TLK1: variants seen among roughly 807,000 people sequenced by gnomAD.
The protein encoded by TLK1 is serine/threonine-protein kinase tousled-like 1.
TLK1 carries 24 observed loss-of-function variants against 105.3 expected under a neutral mutation model. The observed-to-expected ratio is 0.23, with a 90% CI of 0.17 to 0.32. The LOEUF (loss-of-function observed/expected upper bound fraction) is 0.32, where lower values mean the gene tolerates loss of function less well. TLK1 is among the 10% of genes least tolerant of loss of function. The pLI, the probability that TLK1 is intolerant of heterozygous loss-of-function variation, is 1.00. For missense variants in TLK1, 558 were observed against 910.5 expected, an observed-to-expected ratio of 0.61 and a Z score of 4.98; for synonymous variants, 321 against 310.4, an observed-to-expected ratio of 1.03 and a Z score of -0.36.
rs1400491649 is a variant in TLK1, at chr2:171,046,320, C to T, written c.1023G>A (p.Arg341=). The change falls in exon 11 of 21, where the codon AGG becomes AGA. Residue 341 remains arginine, a synonymous_variant. Transcript: ENST00000431350. Reference sequence around the variant, plus strand: ...TGCGTTTGGCTAGAAGTTTCCTTTGCCTTTCAATATCTTCCCTTTGCTGAT... The same window carrying T: ...TGCGTTTGGCTAGAAGTTTCCTTTGTCTTTCAATATCTTCCCTTTGCTGAT... The part of the protein sequence containing the change: ...WVNQQREDIE[R]QRKLLAKRKP... 6.2e-7 allele frequency: 1 copy of T among 1,612,302 alleles called. No individual in the cohort carries two copies. Among genetic ancestry groups the T allele is most frequent in the South Asian group, 1.1e-5 (1 of 90,778 alleles).
chr2:171,193,966 G>T (rs1693212439), intron 1 of TLK1, among the ~76,000 whole-genome samples: 1 of 151,982 alleles, frequency 6.6e-6, no homozygotes, highest in Admixed American at 6.6e-5. Context: ...GTGATCACCT[G>T]CCTTGGCCTC....
intron 18 of TLK1, among the ~76,000 whole-genome samples, chr2:171,000,193 T>C (rs974380511): frequency 2.6e-5 from 4 of 152,036 alleles, no homozygotes; most frequent in African/African-American, 4.8e-5. Flanking sequence ...CTGGCCAACA[T>C]GGTGAAACCC....
At chr2:171,052,706 C>G (rs1390455490) in intron 8 of TLK1, among the ~76,000 whole-genome samples, 1 of 152,100 alleles carries the variant, frequency 6.6e-6, no homozygotes, top group Non-Finnish European at 1.5e-5. Flanking sequence ...AAAGAAACAC[C>G]AAGGCATCAC....
At chr2:171,172,404 T>C (rs1692746897) in intron 1 of TLK1, among the ~76,000 whole-genome samples, 1 of 152,166 alleles carries the variant, frequency 6.6e-6, no homozygotes, top group Non-Finnish European at 1.5e-5. Flanking sequence ...TATACTTCAA[T>C]AAAATGTTTA....
chr2:171,155,694 A>C (rs1014508836), intron 1 of TLK1: 1 of 152,182 alleles, frequency 6.6e-6, no homozygotes, highest in Non-Finnish European at 1.5e-5. Context: ...CCTGTAGTCC[A>C]CTTTAAATTC....
At chr2:171,119,259 T>G (rs1690554432) in intron 1 of TLK1, among the ~76,000 whole-genome samples, 1 of 152,220 alleles carries the variant, frequency 6.6e-6, no homozygotes, top group Admixed American at 6.5e-5. Context: ...CTTCCTGCTA[T>G]TACATCAGAA....
chr2:171,112,861 G>A (rs1413941905), intron 2 of TLK1, among the ~76,000 whole-genome samples: 2 of 152,106 alleles, frequency 1.3e-5, no homozygotes, highest in Admixed American at 1.3e-4. Flanking sequence ...AGTCCATGGG[G>A]AGAACTGAAT....
At chr2:171,138,389 C>T (rs1186821838) in intron 1 of TLK1, among the ~76,000 whole-genome samples, 1 of 152,136 alleles carries the variant, frequency 6.6e-6, no homozygotes, top group Non-Finnish European at 1.5e-5. Flanking sequence ...ACAGAGGCTC[C>T]CATACCAAGG....
intron 2 of TLK1, among the ~76,000 whole-genome samples, chr2:171,111,027 G>A (rs1690136250): frequency 6.6e-6 from 1 of 151,732 alleles, no homozygotes. Flanking sequence ...AAAATAACAA[G>A]TAAATTATGA....
intron 1 of TLK1, among the ~76,000 whole-genome samples, chr2:171,148,914 T>C (rs1350742006): frequency 9.5e-6 from 1 of 105,516 alleles, no homozygotes; most frequent in African/African-American, 6.5e-5. Flanking sequence ...TATATATATG[T>C]GTGTGTGTGT....
intron 2 of TLK1, among the ~76,000 whole-genome samples, chr2:171,104,747 T>C (rs1407776397): frequency 6.6e-6 from 1 of 152,234 alleles, no homozygotes; most frequent in Non-Finnish European, 1.5e-5. Context: ...CATAAGCCAC[T>C]GCTCCCAGCC....
intron 1 of TLK1, among the ~76,000 whole-genome samples, chr2:171,200,624 G>A (rs900909832): frequency 6.6e-6 from 1 of 152,152 alleles, no homozygotes; most frequent in Non-Finnish European, 1.5e-5. Flanking sequence ...GGATGTGGGA[G>A]GATCAAGCCC....
chr2:171,160,822 GC>G lies in TLK1; in HGVS notation c.-395del. On this transcript the variant is annotated 5_prime_UTR_variant, in exon 1 of 21. Coordinates refer to ENST00000431350, the MANE Select transcript of TLK1 (RefSeq NM_012290.5). The surrounding 1 kb of genome is among the most constrained non-coding windows in gnomAD (Gnocchi z 4.4). ...CTGCCGGCACCTCTGCAGTGCGTCG[GC>G]CCCCGGCGTCGCCCGGGAGGCGGCG... 1 of 354,122 alleles carries G rather than the reference GC, an allele frequency of 2.8e-6. No individual in the cohort carries two copies. Among genetic ancestry groups the G allele is most frequent in the Non-Finnish European group, 5.0e-6 (1 of 198,892 alleles). The allele number at this position is 354,122 out of a possible 1,614,324, so 21.9% of individuals were successfully genotyped here.
At chr2:171,054,998 A>G in intron 7 of TLK1, 85 bp downstream of exon 7, 1 of 730,038 alleles carries the variant, frequency 1.4e-6, no homozygotes, top group Non-Finnish European at 2.1e-6. Context: ...GACTACATAT[A>G]AAACAAACAG....
chr2:170,996,058 T>C (rs1478596769), intron 20 of TLK1, among the ~76,000 whole-genome samples: 1 of 151,574 alleles, frequency 6.6e-6, no homozygotes, highest in Non-Finnish European at 1.5e-5. Context: ...AGTGCAGCGG[T>C]ATCGTCATGG....
chr2:171,177,776 T>A (rs553508928), intron 1 of TLK1, among the ~76,000 whole-genome samples: 2 of 152,140 alleles, frequency 1.3e-5, no homozygotes, highest in Non-Finnish European at 2.9e-5. Context: ...ATTAATAGCA[T>A]CCATACTTTA....
chr2:170,996,247 C>T (rs1684056763), intron 20 of TLK1, among the ~76,000 whole-genome samples: 1 of 152,222 alleles, frequency 6.6e-6, no homozygotes, highest in East Asian at 1.9e-4. Flanking sequence ...GATCTGCCCG[C>T]CTTGGCCTCC....
chr2:171,198,702 G>A (rs1230727558), intron 1 of TLK1, among the ~76,000 whole-genome samples: 2 of 152,166 alleles, frequency 1.3e-5, no homozygotes, highest in African/African-American at 2.4e-5. Flanking sequence ...GGATGGAGAT[G>A]AGGAATAATT....
intron 2 of TLK1, among the ~76,000 whole-genome samples, chr2:171,101,217 G>T (rs56004444): frequency 0.11 from 17,142 of 151,798 alleles, 1,512 homozygotes; most frequent in African/African-American, 0.24. Context: ...GTGGTGGTAC[G>T]TGCCTGTAAT....
Sources: allele counts gnomAD v4.1 joint callset (sites outside exome capture counted in the v4.1 genomes callset), GRCh38; gene constraint gnomAD v4.1.1; non-coding constraint Gnocchi (gnomAD v3.1); transcripts MANE v1.5; gene names NCBI Gene and HGNC (gene_info 2026-07-23, HGNC 2026-07-21).